The following KCNMA1 variants were observed in gnomAD, a reference collection of about 807,000 sequenced individuals.
The protein encoded by KCNMA1 is potassium calcium-activated channel subfamily M alpha 1, also known as Calcium-activated potassium channel subunit alpha-1.
KCNMA1 carries 29 observed loss-of-function variants against 140.0 expected under a neutral mutation model. The observed-to-expected ratio is 0.21, with a 90% confidence interval of 0.15 to 0.28. The LOEUF is 0.28. Among genes scored for constraint, KCNMA1 ranks in the 10% least tolerant of loss-of-function variants. The pLI is 1.00. For missense variants in KCNMA1, 880 were observed against 1,602.2 expected, an observed-to-expected ratio of 0.55 and a Z score of 7.70; for synonymous variants, 612 against 611.9, an observed-to-expected ratio of 1.00 and a Z score of 0.00.
intron 1 of KCNMA1, among the ~76,000 whole-genome samples, chr10:77,622,781 G>A (rs2395501): frequency 0.57 from 87,241 of 152,008 alleles, 26,742 homozygotes; most frequent in African/African-American, 0.78. Flanking sequence ...AGTTTGTTCT[G>A]ATTTTTTTTC....
At chr10:77,488,448 G>A (rs2098487274) in intron 1 of KCNMA1, among the ~76,000 whole-genome samples, 1 of 152,190 alleles carries the variant, frequency 6.6e-6, no homozygotes, top group African/African-American at 2.4e-5. Context: ...CCTGGTGTCT[G>A]GGCTGGTAAG....
chr10:77,130,784 T>G (rs1426908011), intron 5 of KCNMA1, among the ~76,000 whole-genome samples: 1 of 152,124 alleles, frequency 6.6e-6, no homozygotes. Flanking sequence ...AGAAACTGAC[T>G]TGGCATACAT....
intron 3 of KCNMA1, among the ~76,000 whole-genome samples, chr10:77,237,490 C>T (rs1194689477): frequency 1.3e-5 from 2 of 152,184 alleles, no homozygotes; most frequent in Non-Finnish European, 2.9e-5. Context: ...CAGGGTCTCA[C>T]TCTGTCCCTC....
rs553088604 is a variant in KCNMA1, at chr10:77,247,276, T to A, written c.602+3919A>T. 1.1e-3 allele frequency among the ~76,000 whole-genome samples: 170 copies of A among 152,334 alleles called. 3 individuals carry two copies. The South Asian group carries it at 0.033, about 30-fold the overall frequency. On this transcript the variant is annotated intron_variant, in intron 3 of 27. Coordinates refer to ENST00000286628, the MANE Select transcript of KCNMA1 (RefSeq NM_001161352.2). ...GCAAATACCCAGAGCTCTGGGCCTCTGTCTCTTCCAACTTTCTCTTGAAAT... is the reference window on the plus strand; with the variant it reads ...GCAAATACCCAGAGCTCTGGGCCTCAGTCTCTTCCAACTTTCTCTTGAAAT...
chr10:76,927,394 A>G (rs912491743), intron 23 of KCNMA1, among the ~76,000 whole-genome samples: 6 of 152,208 alleles, frequency 3.9e-5, no homozygotes, highest in Non-Finnish European at 8.8e-5. Context: ...GGCACAGTAC[A>G]TAACGATGGG....
chr10:77,171,628 T>C (rs1389322379), intron 5 of KCNMA1, among the ~76,000 whole-genome samples: 1 of 152,134 alleles, frequency 6.6e-6, no homozygotes. Flanking sequence ...CGTGTCAGAG[T>C]TCCTGGGTGA....
intron 1 of KCNMA1, among the ~76,000 whole-genome samples, chr10:77,567,271 G>T (rs2068683235): frequency 6.6e-6 from 1 of 152,230 alleles, no homozygotes; most frequent in African/African-American, 2.4e-5. Flanking sequence ...CTGTCACCAT[G>T]TTAACCACAT....
At chr10:77,000,997 G>A (rs72803395) in intron 19 of KCNMA1, among the ~76,000 whole-genome samples, 5,681 of 150,068 alleles carry the variant, frequency 0.038, 148 homozygotes, top group Non-Finnish European at 0.057. Context: ...GCTTGTTCTC[G>A]CTACACCCTT....
At chr10:77,614,714 C>G (rs577729552) in intron 1 of KCNMA1, among the ~76,000 whole-genome samples, 1 of 152,116 alleles carries the variant, frequency 6.6e-6, no homozygotes, top group Non-Finnish European at 1.5e-5. Flanking sequence ...GAGAGGAACC[C>G]AGGTCCTTGC....
intron 1 of KCNMA1, among the ~76,000 whole-genome samples, chr10:77,491,593 G>T (rs1464405335): frequency 6.6e-6 from 1 of 152,132 alleles, no homozygotes; most frequent in Non-Finnish European, 1.5e-5. Flanking sequence ...GATGAAAGAG[G>T]GCATCTTGGG....
chr10:76,953,980 A>G, intron 20 of KCNMA1, 56 bp from the exon 21 acceptor site: 1 of 1,586,034 alleles, frequency 6.3e-7, no homozygotes, highest in Non-Finnish European at 8.6e-7. Context: ...TTATAAATGG[A>G]AAGTGCCCCC....
chr10:77,274,969 T>TTGCCTCCTGTTGCCTCCTG (rs1331943514), intron 2 of KCNMA1, among the ~76,000 whole-genome samples: 1 of 152,174 alleles, frequency 6.6e-6, no homozygotes, highest in African/African-American at 2.4e-5. Flanking sequence ...TTCGGGCAGA[T>TTGCCTCCTGTTGCCTCCTG]TGCCTCCTGT....
intron 5 of KCNMA1, among the ~76,000 whole-genome samples, chr10:77,173,544 A>T (rs2098727023): frequency 6.6e-6 from 1 of 152,210 alleles, no homozygotes; most frequent in African/African-American, 2.4e-5. Context: ...TGTAATATGA[A>T]CACATCTAAC....
At chr10:77,048,761 T>C (rs992222683) in intron 14 of KCNMA1, among the ~76,000 whole-genome samples, 1 of 152,266 alleles carries the variant, frequency 6.6e-6, no homozygotes, top group South Asian at 2.1e-4. Flanking sequence ...GAGGAGAACA[T>C]GACTTTTTTG....
At chr10:77,531,291 G>A (rs1309295691) in intron 1 of KCNMA1, among the ~76,000 whole-genome samples, 1 of 152,168 alleles carries the variant, frequency 6.6e-6, no homozygotes, top group Non-Finnish European at 1.5e-5. Flanking sequence ...ACTTAATCCT[G>A]TCCTAAGAAC....
Position 77,123,179 on chromosome 10 carries a change from C to CAAAAAAAAA in KCNMA1, c.809-2140_809-2132dup, listed in dbSNP as rs61374890. 2.3e-4 allele frequency among the ~76,000 whole-genome samples: 14 copies of CAAAAAAAAA among 59,652 alleles called. 2 individuals carry two copies. Among genetic ancestry groups the CAAAAAAAAA allele is most frequent in the African/African-American group, 2.9e-4 (4 of 13,754 alleles). 39.1% of individuals were successfully genotyped at this position (59,652 alleles called of 152,430 possible). On this transcript the variant is annotated intron_variant, in intron 5 of 27. Coordinates refer to ENST00000286628, the MANE Select transcript of KCNMA1 (RefSeq NM_001161352.2). ...TGGGCGACAGAGCGAGACTCCGTCT[C>CAAAAAAAAA]AAAAAAAAAAAAAAAAAAAAAAAAA...
intron 2 of KCNMA1, among the ~76,000 whole-genome samples, chr10:77,353,093 G>A (rs1446615427): frequency 6.6e-6 from 1 of 152,174 alleles, no homozygotes; most frequent in Non-Finnish European, 1.5e-5. Flanking sequence ...GGGACAATCA[G>A]GATATTACAG....
intron 1 of KCNMA1, among the ~76,000 whole-genome samples, chr10:77,581,003 T>C (rs1453550658): frequency 1.3e-5 from 2 of 152,168 alleles, no homozygotes; most frequent in African/African-American, 4.8e-5. Context: ...ATCATACAGG[T>C]CCCCACACCT....
At chr10:77,085,574 T>C (rs2096672226) in intron 11 of KCNMA1, among the ~76,000 whole-genome samples, 1 of 152,218 alleles carries the variant, frequency 6.6e-6, no homozygotes, top group African/African-American at 2.4e-5. Flanking sequence ...GTCTGCAATC[T>C]GTCCTACTTG....
Sources: gnomAD v4.1 joint callset for allele counts (sites outside exome capture counted in the v4.1 genomes callset) on GRCh38, gnomAD v4.1.1 for gene constraint, MANE v1.5 for transcripts, NCBI Gene and HGNC (gene_info 2026-07-23, HGNC 2026-07-21) for gene names.